The following PBX3 variants were observed in gnomAD, a reference collection of about 807,000 sequenced individuals.
The protein encoded by PBX3 is pre-B-cell leukemia transcription factor 3.
PBX3 carries 14 observed loss-of-function variants against 48.5 expected under a neutral mutation model. The ratio of observed to expected loss-of-function variants is 0.29; its 90% CI spans 0.19 to 0.45. The LOEUF (loss-of-function observed/expected upper bound fraction) is 0.45, where lower values mean the gene tolerates loss of function less well. Among genes scored for constraint, PBX3 ranks in the 20% least tolerant of loss-of-function variants. PBX3 has a pLI of 1.00. For synonymous variants in PBX3, 210 were observed against 200.3 expected (o/e 1.05, Z -0.41); for missense variants, 386 against 546.7 (o/e 0.71, Z 2.93).
chr9:125,831,191 A>G (rs13288002), intron 2 of PBX3, among the ~76,000 whole-genome samples: 42,454 of 152,152 alleles, frequency 0.28, 7,086 homozygotes, highest in Middle Eastern at 0.42. Flanking sequence ...TAAAAGCTTG[A>G]TTAGATTCAT....
chr9:125,923,006 C>T (rs548841594), intron 3 of PBX3, among the ~76,000 whole-genome samples: 1 of 152,346 alleles, frequency 6.6e-6, no homozygotes, highest in South Asian at 2.1e-4. Context: ...GTATGAACTA[C>T]TGGTTTAAAG....
chr9:125,887,168 T>C (rs923811497), intron 2 of PBX3, among the ~76,000 whole-genome samples: 1 of 152,132 alleles, frequency 6.6e-6, no homozygotes, highest in Non-Finnish European at 1.5e-5. Context: ...TTTTATGAAA[T>C]TGTCAACTAA....
chr9:125,946,246 T>A (rs1211579811), intron 5 of PBX3, among the ~76,000 whole-genome samples: 1 of 151,714 alleles, frequency 6.6e-6, no homozygotes, highest in African/African-American at 2.4e-5. Flanking sequence ...AAATACAAAA[T>A]TTTTTTTTGG....
Position 125,967,373 on chromosome 9 carries a change from T to A in PBX3, c.*1450T>A, listed in dbSNP as rs1027684568. On this transcript the variant is annotated 3_prime_UTR_variant, in exon 9 of 9. Coordinates refer to ENST00000373489, the MANE Select transcript of PBX3 (RefSeq NM_006195.6). ...ATGAATAAACTTTTTGCTTTCATGA[T>A]TAAATTTTGATGCAGTTTCTTACTT... is the stretch of plus-strand genomic sequence containing the variant. 5.9e-5 allele frequency: 9 copies of A among 152,664 alleles called. No individual in the cohort carries two copies. The highest frequency in any genetic ancestry group is 2.2e-4 in the African/African-American group (9 of 41,452). The allele number at this position is 152,664 out of a possible 1,614,324, so 9.5% of individuals were successfully genotyped here. A position where few individuals can be genotyped will look rare whatever the true frequency, so the allele number is the denominator to read the frequency against.
intron 2 of PBX3, among the ~76,000 whole-genome samples, chr9:125,907,702 T>C (rs1354920804): frequency 6.6e-6 from 1 of 152,096 alleles, no homozygotes; most frequent in Non-Finnish European, 1.5e-5. Context: ...TTCTCCAGTA[T>C]TGTAATTTAT....
intron 2 of PBX3, among the ~76,000 whole-genome samples, chr9:125,773,047 G>A (rs1402526902): frequency 6.6e-6 from 1 of 152,200 alleles, no homozygotes; most frequent in African/African-American, 2.4e-5. Context: ...CTGTGCGAGG[G>A]TAGTATGGTC....
intron 2 of PBX3, among the ~76,000 whole-genome samples, chr9:125,908,802 T>A (rs886329346): frequency 7.9e-5 from 12 of 152,156 alleles, no homozygotes; most frequent in African/African-American, 2.9e-4. Context: ...TCCTAAAAAT[T>A]TCTTCAATAG....
intron 2 of PBX3, among the ~76,000 whole-genome samples, chr9:125,839,043 G>T (rs1839216009): frequency 6.6e-6 from 1 of 152,156 alleles, no homozygotes; most frequent in Admixed American, 6.5e-5. Context: ...GAGTCATTCA[G>T]ACCTGGATTT....
intron 2 of PBX3, among the ~76,000 whole-genome samples, chr9:125,829,916 G>T (rs1320064233): frequency 1.3e-5 from 2 of 152,114 alleles, no homozygotes; most frequent in African/African-American, 4.8e-5. Context: ...ATACGTATCT[G>T]CATTTACACA....
intron 3 of PBX3, among the ~76,000 whole-genome samples, chr9:125,917,769 A>G (rs1007473865): frequency 6.6e-6 from 1 of 152,238 alleles, no homozygotes; most frequent in African/African-American, 2.4e-5. Flanking sequence ...TAAGTTAAAA[A>G]GTAGTGTAAA....
At chr9:125,946,410 A>G (rs1842064669) in intron 5 of PBX3, among the ~76,000 whole-genome samples, 1 of 152,204 alleles carries the variant, frequency 6.6e-6, no homozygotes, top group South Asian at 2.1e-4. Context: ...AACAACAGAC[A>G]ATAGAAACAG....
intron 2 of PBX3, among the ~76,000 whole-genome samples, chr9:125,825,267 A>C (rs911528241): frequency 6.6e-6 from 1 of 152,162 alleles, no homozygotes; most frequent in Non-Finnish European, 1.5e-5. Flanking sequence ...CTGGGCAACA[A>C]AGTGAGACTC....
rs562301441 is a variant in PBX3, at chr9:125,821,331, A to G, written c.274+72708A>G. 2.3e-4 allele frequency among the ~76,000 whole-genome samples: 35 copies of G among 152,272 alleles called. No individual in the cohort carries two copies. In the South Asian group the frequency reaches 6.8e-3, roughly 30 times the overall value. On this transcript the variant is annotated intron_variant, in intron 2 of 8. Transcript: ENST00000373489. ...GACTTCATTCTGACAGTGGTAAGCT[A>G]ATAAGAAACGCATAGAGGTATAAAT...
At chr9:125,850,181 A>G (rs1038403413) in intron 2 of PBX3, among the ~76,000 whole-genome samples, 1 of 152,172 alleles carries the variant, frequency 6.6e-6, no homozygotes, top group East Asian at 1.9e-4. Context: ...AAATTTTACT[A>G]ACAGAAATAG....
chr9:125,820,282 T>C (rs1588181144), intron 2 of PBX3, among the ~76,000 whole-genome samples: 1 of 152,208 alleles, frequency 6.6e-6, no homozygotes, highest in African/African-American at 2.4e-5. Context: ...CCCAAATAGA[T>C]TGTGGTGTGA....
At chr9:125,851,253 G>T (rs1322886466) in intron 2 of PBX3, among the ~76,000 whole-genome samples, 1 of 152,056 alleles carries the variant, frequency 6.6e-6, no homozygotes, top group African/African-American at 2.4e-5. Flanking sequence ...ATCTTAAAGT[G>T]CGAGACACAA....
chr9:125,857,958 G>C (rs903798008), intron 2 of PBX3, among the ~76,000 whole-genome samples: 8 of 152,300 alleles, frequency 5.3e-5, no homozygotes, highest in Middle Eastern at 3.4e-3. Context: ...TAGTCAATTG[G>C]AGTAAGGCTG....
chr9:125,780,242 G>A (rs1048797609), intron 2 of PBX3, among the ~76,000 whole-genome samples: 3 of 126,454 alleles, frequency 2.4e-5, no homozygotes, highest in South Asian at 2.6e-4. Flanking sequence ...GCGGGGGGCT[G>A]AGCCCCCCAC....
In PBX3 at chr9:125,827,698, C is replaced by T. The variant is rs546899890; in HGVS notation, c.274+79075C>T. 1.8e-4 allele frequency among the ~76,000 whole-genome samples: 28 copies of T among 152,116 alleles called. No individual in the cohort carries two copies. In the South Asian group the frequency reaches 1.9e-3, roughly 10 times the overall value. ...TTTTACCTGCTTTGTAGTATTCTAC[C>T]GTGCAGATGAACTTCACATTCATTT... On this transcript the variant is annotated intron_variant, in intron 2 of 8. Coordinates refer to ENST00000373489, the MANE Select transcript of PBX3 (RefSeq NM_006195.6).
Sources: allele counts gnomAD v4.1 joint callset (sites outside exome capture counted in the v4.1 genomes callset), GRCh38; gene constraint gnomAD v4.1.1; transcripts MANE v1.5; gene names NCBI Gene and HGNC (gene_info 2026-07-23, HGNC 2026-07-21).